LINGO2: variants seen among roughly 807,000 people sequenced by gnomAD.
LINGO2 encodes leucine-rich repeat and immunoglobulin-like domain-containing nogo receptor-interacting protein 2.
A neutral mutation model predicts 30.6 loss-of-function variants in LINGO2; 14 were observed. That is an observed-to-expected ratio of 0.46 (90% CI 0.30 to 0.72). The LOEUF (loss-of-function observed/expected upper bound fraction) is 0.72, where lower values mean the gene tolerates loss of function less well. LINGO2 is among the 30% of genes least tolerant of loss of function. The pLI is 0.07. For missense variants in LINGO2, 729 were observed against 751.7 expected (o/e 0.97, Z 0.35); for synonymous variants, 317 against 288.5 (o/e 1.10, Z -1.00).
intron 2 of LINGO2, among the ~76,000 whole-genome samples, chr9:28,427,135 C>G (rs1823446603): frequency 6.6e-6 from 1 of 152,080 alleles, no homozygotes; most frequent in African/African-American, 2.4e-5. Context: ...AAAAACCGCA[C>G]ATGAGCACTT....
chr9:29,188,014 CTTT>C, the LINGO2 span, among the ~76,000 whole-genome samples: 49 of 75,772 alleles, frequency 6.5e-4, no homozygotes, highest in Admixed American at 2.2e-3. Flanking sequence ...TTGACAGAGT[CTTT>C]TTTTTTTTTT....
intron 4 of LINGO2, among the ~76,000 whole-genome samples, chr9:28,082,165 C>A (rs544221555): frequency 3.3e-5 from 5 of 152,160 alleles, no homozygotes; most frequent in African/African-American, 1.2e-4. Flanking sequence ...GATTTTGAAG[C>A]CCATCAAAGG....
the LINGO2 span, among the ~76,000 whole-genome samples, chr9:28,830,781 T>G: frequency 3.3e-5 from 5 of 150,524 alleles, no homozygotes; most frequent in African/African-American, 1.3e-4. Flanking sequence ...CACGTGTACA[T>G]GCTCATACAC....
chr9:29,210,375 TA>T, the LINGO2 span, among the ~76,000 whole-genome samples: 1 of 152,182 alleles, frequency 6.6e-6, no homozygotes, highest in East Asian at 1.9e-4. Context: ...CTTTCAGAAA[TA>T]CATTTGAGCC....
At chr9:28,414,479 G>A (rs1822893900) in intron 2 of LINGO2, among the ~76,000 whole-genome samples, 1 of 152,082 alleles carries the variant, frequency 6.6e-6, no homozygotes. Context: ...GCATTGAGGG[G>A]CTGATATTTG....
At chr9:28,922,474 A>T in the LINGO2 span, among the ~76,000 whole-genome samples, 1 of 152,168 alleles carries the variant, frequency 6.6e-6, no homozygotes, top group Admixed American at 6.6e-5. Flanking sequence ...TGCTCAATGG[A>T]TATCCACTGT....
chr9:28,122,936 C>T (rs900380615), intron 4 of LINGO2, among the ~76,000 whole-genome samples: 1 of 152,160 alleles, frequency 6.6e-6, no homozygotes, highest in Non-Finnish European at 1.5e-5. Context: ...TACAAATGGC[C>T]AATTTGTCAA....
chr9:28,913,356 A>C, the LINGO2 span, among the ~76,000 whole-genome samples: 1 of 152,076 alleles, frequency 6.6e-6, no homozygotes, highest in Non-Finnish European at 1.5e-5. Flanking sequence ...TTTTAAGGGA[A>C]ACTAAGGCAA....
At chr9:28,939,429 C>G in the LINGO2 span, among the ~76,000 whole-genome samples, 1 of 152,174 alleles carries the variant, frequency 6.6e-6, no homozygotes. Context: ...TCAGCTGCCT[C>G]ATTTTTTCAT....
At chr9:28,689,564 C>T in the LINGO2 span, among the ~76,000 whole-genome samples, 2 of 152,132 alleles carry the variant, frequency 1.3e-5, no homozygotes, top group South Asian at 4.2e-4. Context: ...ACAACAGATG[C>T]TGGTAAGGTT....
intron 1 of LINGO2, among the ~76,000 whole-genome samples, chr9:28,562,749 A>T (rs1563827565): frequency 6.6e-6 from 1 of 152,092 alleles, no homozygotes; most frequent in Non-Finnish European, 1.5e-5. Flanking sequence ...TTTGGACAGG[A>T]TAGACACAAA....
intron 4 of LINGO2, among the ~76,000 whole-genome samples, chr9:28,263,633 C>T (rs1233963038): frequency 1.3e-5 from 2 of 151,970 alleles, no homozygotes; most frequent in Non-Finnish European, 2.9e-5. Context: ...AACATTTTCT[C>T]ATGTGCCACC....
In LINGO2 at chr9:28,171,845, G is replaced by GA. The variant is rs568859084; in HGVS notation, c.-87+123362dup. Among the ~76,000 whole-genome samples, 691 of 133,328 alleles carry GA rather than the reference G, an allele frequency of 5.2e-3. 3 individuals are homozygous for GA. Among genetic ancestry groups the GA allele is most frequent in the African/African-American group, 0.015 (540 of 36,278 alleles). The allele number at this position is 133,328 out of a possible 152,430, so 87.5% of individuals were successfully genotyped here. On this transcript the variant is annotated intron_variant, in intron 4 of 5. Coordinates refer to ENST00000379992, the Ensembl canonical transcript of LINGO2. ...AACACGGTGAAACCCCGTCTCTACT[G>GA]AAAAAAAAAACAAAAAACCAAAAAA...
At chr9:28,255,338 C>T (rs1292226401) in intron 4 of LINGO2, among the ~76,000 whole-genome samples, 2 of 152,048 alleles carry the variant, frequency 1.3e-5, no homozygotes, top group Non-Finnish European at 2.9e-5. Context: ...CTGCCCTCTC[C>T]TCTAGTGATT....
chr9:27,950,459 G>A (rs750851501), exon 6 of LINGO2: 15 of 1,609,688 alleles, frequency 9.3e-6, no homozygotes, highest in African/African-American at 8.0e-5. Flanking sequence ...CAGGGTTGAC[G>A]CTTTTTAGCC....
At chr9:28,721,364 G>A in the LINGO2 span, among the ~76,000 whole-genome samples, 4 of 152,140 alleles carry the variant, frequency 2.6e-5, no homozygotes, top group Non-Finnish European at 5.9e-5. Flanking sequence ...GCACACATAT[G>A]TTTATTGCAG....
chr9:28,421,705 T>A (rs1315537480), intron 2 of LINGO2, among the ~76,000 whole-genome samples: 2 of 152,050 alleles, frequency 1.3e-5, no homozygotes, highest in Admixed American at 6.6e-5. Context: ...TGCATTTAAT[T>A]GAAAAAAATT....
At chr9:28,981,469 C>A in the LINGO2 span, among the ~76,000 whole-genome samples, 4 of 152,136 alleles carry the variant, frequency 2.6e-5, no homozygotes, top group Admixed American at 6.6e-5. Context: ...AAAGCCATAT[C>A]ATTCTGACTC....
intron 5 of LINGO2, among the ~76,000 whole-genome samples, chr9:28,005,559 T>C (rs1822223335): frequency 6.6e-6 from 1 of 152,114 alleles, no homozygotes; most frequent in Admixed American, 6.6e-5. Flanking sequence ...ATACTTATTT[T>C]TTAAGTGAGA....
Sources: gnomAD v4.1 joint callset for allele counts (sites outside exome capture counted in the v4.1 genomes callset) on GRCh38, gnomAD v4.1.1 for gene constraint, MANE v1.5 for transcripts, NCBI Gene and HGNC (gene_info 2026-07-23, HGNC 2026-07-21) for gene names.